The following ASTN2 variants were observed in gnomAD, a reference collection of about 807,000 sequenced individuals.
The protein encoded by ASTN2 is astrotactin-2.
ASTN2 carries 54 observed loss-of-function variants against 139.8 expected under a neutral mutation model. That is an observed-to-expected ratio of 0.39 (90% CI 0.31 to 0.48). The LOEUF (loss-of-function observed/expected upper bound fraction) is 0.48. ASTN2 is among the 20% of genes least tolerant of loss of function. The pLI, the probability that ASTN2 is intolerant of heterozygous loss-of-function variation, is 0.95. For synonymous variants in ASTN2, 756 were observed against 719.5 expected, an observed-to-expected ratio of 1.05 and a Z score of -0.81; for missense variants, 1,565 against 1,725.1, an observed-to-expected ratio of 0.91 and a Z score of 1.64.
intron 13 of ASTN2, among the ~76,000 whole-genome samples, chr9:116,782,008 A>C (rs1830231871): frequency 6.6e-6 from 1 of 152,102 alleles, no homozygotes; most frequent in Non-Finnish European, 1.5e-5. Flanking sequence ...TAACTCCAAA[A>C]CCCATACTCT....
chr9:116,444,555 A>G (rs1211116628), intron 20 of ASTN2, among the ~76,000 whole-genome samples: 2 of 152,158 alleles, frequency 1.3e-5, no homozygotes, highest in East Asian at 3.9e-4. Context: ...TCAGGGTATC[A>G]TATCCAGGTT....
chr9:116,759,264 A>G (rs1282120771), intron 13 of ASTN2, among the ~76,000 whole-genome samples: 1 of 152,202 alleles, frequency 6.6e-6, no homozygotes, highest in Non-Finnish European at 1.5e-5. Context: ...TGAAGCATTC[A>G]GAAGAAAAGT....
At position 116,893,011 on chromosome 9, in the gene ASTN2, G is replaced by A. The variant is rs186180088; in HGVS notation, c.1890-29278C>T. Reference sequence around the variant, plus strand: ...CACTTACACCCCTTCTCCATTCTCCGGTACTCCCAAACTCCCAACACCTAA... The same window carrying A: ...CACTTACACCCCTTCTCCATTCTCCAGTACTCCCAAACTCCCAACACCTAA... On this transcript the variant is annotated intron_variant, in intron 10 of 22. Coordinates refer to ENST00000313400, the MANE Select transcript of ASTN2 (RefSeq NM_001365068.1). Among the ~76,000 whole-genome samples the A allele has an allele frequency of 2.7e-3, 405 of 151,926 alleles. 3 individuals are homozygous for A. Among genetic ancestry groups the A allele is most frequent in the African/African-American group, 9.1e-3 (379 of 41,422 alleles).
At chr9:116,642,131 A>C (rs1857361493) in intron 17 of ASTN2, among the ~76,000 whole-genome samples, 1 of 104,316 alleles carries the variant, frequency 9.6e-6, no homozygotes, top group African/African-American at 4.5e-5. Flanking sequence ...CTCCCAACCC[A>C]CAAAAAAAAA....
At chr9:117,144,061 T>C (rs1351291444) in intron 3 of ASTN2, among the ~76,000 whole-genome samples, 1 of 151,770 alleles carries the variant, frequency 6.6e-6, no homozygotes, top group East Asian at 1.9e-4. Context: ...GTCATAAGAG[T>C]GGGATCCCAA....
At chr9:116,694,817 A>G (rs1860761760) in intron 16 of ASTN2, among the ~76,000 whole-genome samples, 1 of 151,958 alleles carries the variant, frequency 6.6e-6, no homozygotes. Flanking sequence ...GCCCCTAGAC[A>G]CTTGGCATTT....
intron 13 of ASTN2, among the ~76,000 whole-genome samples, chr9:116,801,301 G>A (rs529213148): frequency 2.7e-4 from 41 of 152,094 alleles, no homozygotes; most frequent in African/African-American, 9.6e-4. Context: ...ATAAATTTAC[G>A]GCTGGGCGGG....
intron 3 of ASTN2, among the ~76,000 whole-genome samples, chr9:117,166,432 T>C (rs1830671594): frequency 6.6e-6 from 1 of 152,132 alleles, no homozygotes; most frequent in Admixed American, 6.6e-5. Flanking sequence ...TTCATGACTT[T>C]CCACTGCTTT....
chr9:116,732,174 C>T (rs1377388106), intron 14 of ASTN2, among the ~76,000 whole-genome samples: 8 of 152,092 alleles, frequency 5.3e-5, no homozygotes, highest in Non-Finnish European at 7.4e-5. Flanking sequence ...GAGTCAAGAC[C>T]GACTTTGTTT....
intron 19 of ASTN2, among the ~76,000 whole-genome samples, chr9:116,496,400 G>A (rs1294852497): frequency 1.3e-5 from 2 of 152,168 alleles, no homozygotes; most frequent in Non-Finnish European, 2.9e-5. Context: ...ACAATGGCTT[G>A]GGTGCAGAAG....
intron 1 of ASTN2, among the ~76,000 whole-genome samples, chr9:117,301,189 G>T (rs1442254142): frequency 1.3e-5 from 2 of 152,000 alleles, no homozygotes; most frequent in Non-Finnish European, 2.9e-5. Flanking sequence ...GTATTTCTTT[G>T]CTTGGTCTTT....
In ASTN2 at chr9:116,863,574, G is replaced by A. The variant is rs1178267308; in HGVS notation, c.2040+9C>T. On this transcript the variant is annotated intron_variant, in intron 11 of 22. Transcript: ENST00000313400. The stretch of plus-strand genomic sequence containing the variant: ...CCACTGCCATGTTCCCGGGCCAATG[G>A]GCACTTACCACACATCCCGAGGAAT... 1.2e-6 allele frequency: 2 copies of A among 1,613,218 alleles called. No individual in the cohort carries two copies. Among genetic ancestry groups the A allele is most frequent in the African/African-American group, 1.3e-5 (1 of 74,896 alleles).
chr9:116,650,978 C>T (rs942987631), intron 17 of ASTN2, among the ~76,000 whole-genome samples: 9 of 151,366 alleles, frequency 5.9e-5, no homozygotes, highest in African/African-American at 1.5e-4. Context: ...TACAATGGCA[C>T]GATCTCGGCT....
At chr9:116,923,921 C>A (rs1361849947) in intron 10 of ASTN2, among the ~76,000 whole-genome samples, 1 of 152,146 alleles carries the variant, frequency 6.6e-6, no homozygotes, top group Non-Finnish European at 1.5e-5. Context: ...TCTGTCTCTC[C>A]AGAAGCCATC....
chr9:117,059,015 A>G (rs1202439176), intron 5 of ASTN2, among the ~76,000 whole-genome samples: 1 of 152,232 alleles, frequency 6.6e-6, no homozygotes, highest in Non-Finnish European at 1.5e-5. Flanking sequence ...AAATCAGTGA[A>G]GGTGGCATAA....
intron 6 of ASTN2, among the ~76,000 whole-genome samples, chr9:117,015,950 G>A (rs1837660806): frequency 6.6e-6 from 1 of 151,906 alleles, no homozygotes; most frequent in Non-Finnish European, 1.5e-5. Flanking sequence ...TTTATCAAGT[G>A]TTTTTAGACA....
chr9:117,197,100 A>C (rs1476702900), intron 3 of ASTN2: 2 of 152,220 alleles, frequency 1.3e-5, no homozygotes. Flanking sequence ...GTAAGTGCAG[A>C]AAATTAAGAT....
intron 16 of ASTN2, among the ~76,000 whole-genome samples, chr9:116,706,760 ATTTTTTTTTT>A (rs60395133): frequency 5.7e-5 from 5 of 88,058 alleles, no homozygotes; most frequent in African/African-American, 9.0e-5. Context: ...GCTGGCTAGA[ATTTTTTTTTT>A]TTTTTTTTTT....
At chr9:117,380,111 C>A (rs1296159550) in intron 1 of ASTN2, among the ~76,000 whole-genome samples, 1 of 152,034 alleles carries the variant, frequency 6.6e-6, no homozygotes, top group East Asian at 1.9e-4. Flanking sequence ...ATGAAGGGAT[C>A]CATTTATGTT....
Sources: allele counts gnomAD v4.1 joint callset (sites outside exome capture counted in the v4.1 genomes callset), GRCh38; gene constraint gnomAD v4.1.1; transcripts MANE v1.5; gene names NCBI Gene and HGNC (gene_info 2026-07-23, HGNC 2026-07-21).